The following MTSS1 variants were observed in gnomAD, a reference collection of about 807,000 sequenced individuals.
MTSS1 encodes the protein MTSS I-BAR domain containing 1.
A neutral mutation model predicts 79.0 loss-of-function variants in MTSS1; 18 were observed. The ratio of observed to expected loss-of-function variants is 0.23; its 90% CI spans 0.16 to 0.34. The LOEUF (loss-of-function observed/expected upper bound fraction) is 0.34, where lower values mean the gene tolerates loss of function less well. MTSS1 is among the 10% of genes least tolerant of loss of function. The pLI, the probability that MTSS1 is intolerant of heterozygous loss-of-function variation, is 1.00. For missense variants in MTSS1, 815 were observed against 986.2 expected, an observed-to-expected ratio of 0.83 and a Z score of 2.33; for synonymous variants, 341 against 368.6, an observed-to-expected ratio of 0.93 and a Z score of 0.86.
intron 3 of MTSS1, among the ~76,000 whole-genome samples, chr8:124,670,194 C>T (rs372832696): frequency 4.8e-4 from 73 of 152,138 alleles, no homozygotes; most frequent in Middle Eastern, 3.4e-3. Flanking sequence ...TTTTGCTGGG[C>T]GGTCAGAAAA....
chr8:124,668,042 C>T (rs1171982891), intron 3 of MTSS1, among the ~76,000 whole-genome samples: 2 of 152,000 alleles, frequency 1.3e-5, no homozygotes, highest in Admixed American at 1.3e-4. Flanking sequence ...GAGCCATGAT[C>T]GCGCCACTGC....
rs370809102 is a variant in MTSS1, at chr8:124,719,446, G to A, written c.72+8438C>T. Among the ~76,000 whole-genome samples the A allele has an allele frequency of 4.6e-5, 7 of 152,126 alleles. No individual in the cohort carries two copies. The East Asian group carries it at 1.3e-3, about 29-fold the overall frequency. On this transcript the variant is annotated intron_variant, in intron 1 of 13. Coordinates refer to ENST00000518547, the MANE Select transcript of MTSS1 (RefSeq NM_014751.6). ...AAATGGGAATCAGAGGCCCTCCCCA[G>A]AGCCCCCACACAATCTTGGGCTGAT...
chr8:124,704,079 C>G, intron 2 of MTSS1, 51 bp downstream of exon 2: 3 of 1,561,970 alleles, frequency 1.9e-6, no homozygotes, highest in Non-Finnish European at 2.6e-6. Flanking sequence ...CCCACTCCAT[C>G]CTTGTCTGAG....
At chr8:124,566,986 G>T in intron 8 of MTSS1, 85 bp downstream of exon 8, 1 of 1,023,990 alleles carries the variant, frequency 9.8e-7, no homozygotes, top group Non-Finnish European at 1.5e-6. Context: ...AATTTAAGAC[G>T]TGACACATGC....
chr8:124,675,892 A>G (rs1453979012), intron 3 of MTSS1, among the ~76,000 whole-genome samples: 4 of 152,246 alleles, frequency 2.6e-5, no homozygotes, highest in Admixed American at 6.5e-5. Context: ...TCATCCAGTA[A>G]TGGGCAGCTG....
chr8:124,551,696 C>A lies in MTSS1; in HGVS notation c.*1296G>T. On this transcript the variant is annotated 3_prime_UTR_variant, in exon 14 of 14. Coordinates refer to ENST00000518547, the MANE Select transcript of MTSS1 (RefSeq NM_014751.6). Reference sequence around the variant, plus strand: ...ATCTCTGTTGGCTTTAGGGGATGGGCAGTATAACAAATTTAACTTCCACTT... The same window carrying A: ...ATCTCTGTTGGCTTTAGGGGATGGGAAGTATAACAAATTTAACTTCCACTT... 6.6e-6 allele frequency: 1 copy of A among 152,264 alleles called. No homozygotes were observed. 9.4% of individuals were successfully genotyped at this position (152,264 alleles called of 1,614,324 possible). A position where few individuals can be genotyped will look rare whatever the true frequency, so the allele number is the denominator to read the frequency against.
chr8:124,687,091 C>G (rs1385690709), intron 3 of MTSS1, among the ~76,000 whole-genome samples: 1 of 152,174 alleles, frequency 6.6e-6, no homozygotes, highest in Non-Finnish European at 1.5e-5. Context: ...ACTGAGCTCA[C>G]TAAATAGCAC....
chr8:124,589,722 G>GT lies in MTSS1; in HGVS notation c.294-12_294-11insA. On this transcript the variant is annotated splice_polypyrimidine_tract_variant and intron_variant, in intron 4 of 13. Transcript: ENST00000518547. ...CAATCAATTAAAGCGCTTTTACCAAGCGGGGGGGAAAAAGGGAGAAATTAA... is the reference window on the plus strand; with the variant it reads ...CAATCAATTAAAGCGCTTTTACCAAGTCGGGGGGGAAAAAGGGAGAAATTAA... 7.0e-6 allele frequency: 11 copies of GT among 1,578,708 alleles called. No homozygotes were observed. Among genetic ancestry groups the GT allele is most frequent in the Non-Finnish European group, 8.7e-6 (10 of 1,154,182 alleles).
chr8:124,584,659 C>CA, intron 6 of MTSS1, among the ~76,000 whole-genome samples: 1 of 152,180 alleles, frequency 6.6e-6, no homozygotes, highest in East Asian at 1.9e-4. Flanking sequence ...CCCCTGCACC[C>CA]ATTCCTAGCA....
intron 6 of MTSS1, among the ~76,000 whole-genome samples, chr8:124,578,342 G>A (rs1269308219): frequency 6.6e-6 from 1 of 152,108 alleles, no homozygotes; most frequent in Admixed American, 6.5e-5. Flanking sequence ...TAAATGACAA[G>A]AGCCATGTGT....
Position 124,677,254 on chromosome 8 carries a change from G to GA in MTSS1, c.208+22271dup, listed in dbSNP as rs1462185057. Among the ~76,000 whole-genome samples the GA allele has an allele frequency of 2.0e-5, 3 of 152,230 alleles. No homozygotes were observed. In the East Asian group the frequency reaches 5.8e-4, roughly 29 times the overall value. On this transcript the variant is annotated intron_variant, in intron 3 of 13. Coordinates refer to ENST00000518547, the MANE Select transcript of MTSS1 (RefSeq NM_014751.6). The stretch of plus-strand genomic sequence containing the variant: ...ACCAAAGGCAAGGAAAAGGTAAGAG[G>GA]AAATATATTTTCTACCTCTACCTCC...
At chr8:124,670,637 C>G (rs184530569) in intron 3 of MTSS1, among the ~76,000 whole-genome samples, 1 of 152,326 alleles carries the variant, frequency 6.6e-6, no homozygotes, top group East Asian at 1.9e-4. Flanking sequence ...ACCATTTGTA[C>G]AGCACCCTAG....
intron 6 of MTSS1, among the ~76,000 whole-genome samples, chr8:124,579,431 T>C (rs551485570): frequency 9.9e-5 from 15 of 152,140 alleles, no homozygotes; most frequent in African/African-American, 3.4e-4. Flanking sequence ...GTTGTGAAAT[T>C]AGATAGTGGC....
chr8:124,594,965 G>A (rs10956190), intron 3 of MTSS1, among the ~76,000 whole-genome samples: 89,219 of 152,016 alleles, frequency 0.59, 26,609 homozygotes, highest in East Asian at 0.72. Flanking sequence ...GGGCATATTT[G>A]TGGAAACAAA....
intron 3 of MTSS1, among the ~76,000 whole-genome samples, chr8:124,632,861 T>C (rs1425019886): frequency 6.6e-6 from 1 of 152,054 alleles, no homozygotes; most frequent in East Asian, 1.9e-4. Context: ...AGAGATGGGG[T>C]TTTGCCATGT....
intron 3 of MTSS1, among the ~76,000 whole-genome samples, chr8:124,670,592 A>G (rs1410601386): frequency 1.3e-5 from 2 of 152,248 alleles, no homozygotes; most frequent in East Asian, 3.8e-4. Flanking sequence ...TTTCAGCAAC[A>G]TGACTAAAAG....
chr8:124,698,481 T>C (rs905993735), intron 3 of MTSS1, among the ~76,000 whole-genome samples: 1 of 151,364 alleles, frequency 6.6e-6, no homozygotes, highest in Non-Finnish European at 1.5e-5. Flanking sequence ...TGTCTGTTAC[T>C]GGTAATGTTG....
intron 1 of MTSS1, among the ~76,000 whole-genome samples, chr8:124,713,216 A>C (rs1258860863): frequency 2.0e-5 from 3 of 152,132 alleles, no homozygotes; most frequent in Admixed American, 2.0e-4. Flanking sequence ...CATCTCTACC[A>C]CTGCAGAAAG....
At chr8:124,603,998 G>A (rs903532871) in intron 3 of MTSS1, among the ~76,000 whole-genome samples, 4 of 152,176 alleles carry the variant, frequency 2.6e-5, no homozygotes, top group Admixed American at 2.0e-4. Context: ...GCTCACCTAA[G>A]GTTGAGAGTT....
Sources: allele counts gnomAD v4.1 joint callset (sites outside exome capture counted in the v4.1 genomes callset), GRCh38; gene constraint gnomAD v4.1.1; transcripts MANE v1.5; gene names NCBI Gene and HGNC (gene_info 2026-07-23, HGNC 2026-07-21).